AP3B1: variants seen among roughly 807,000 people sequenced by gnomAD.
The protein encoded by AP3B1 is adaptor related protein complex 3 subunit beta 1.
In AP3B1, 61 loss-of-function variants were observed where a neutral mutation model predicts 132.5. The ratio of observed to expected loss-of-function variants is 0.46; its 90% CI spans 0.37 to 0.57. The LOEUF (loss-of-function observed/expected upper bound fraction) is 0.57. Among genes scored for constraint, AP3B1 ranks in the 20% least tolerant of loss-of-function variants. AP3B1 has a pLI of 0.00. For synonymous variants in AP3B1, 388 were observed against 438.3 expected (o/e 0.89, Z 1.43); for missense variants, 1,120 against 1,289.4 (o/e 0.87, Z 2.01).
intron 7 of AP3B1, among the ~76,000 whole-genome samples, chr5:78,202,308 C>T (rs1047819164): frequency 6.6e-6 from 1 of 152,136 alleles, no homozygotes; most frequent in Non-Finnish European, 1.5e-5. Context: ...TGGACTAATA[C>T]ACAATCCTAT....
At chr5:78,177,484 T>C in intron 8 of AP3B1, 48 bp from the exon 9 acceptor site, 2 of 1,322,606 alleles carry the variant, frequency 1.5e-6, no homozygotes, top group Admixed American at 1.7e-5. Flanking sequence ...ACTAGAGCAC[T>C]CTACAACCTC....
chr5:78,083,396 C>G (rs1353037899), intron 22 of AP3B1, among the ~76,000 whole-genome samples: 1 of 152,178 alleles, frequency 6.6e-6, no homozygotes, highest in Non-Finnish European at 1.5e-5. Flanking sequence ...CTCAACATTT[C>G]TAATACCAGA....
At chr5:78,141,926 CA>C (rs1456715279) in intron 14 of AP3B1, among the ~76,000 whole-genome samples, 1 of 152,090 alleles carries the variant, frequency 6.6e-6, no homozygotes, top group African/African-American at 2.4e-5. Context: ...AGGTGGTCCA[CA>C]AAGCCCATTT....
At chr5:78,162,537 T>C (rs1405827086) in intron 13 of AP3B1, among the ~76,000 whole-genome samples, 1 of 152,000 alleles carries the variant, frequency 6.6e-6, no homozygotes, top group Admixed American at 6.6e-5. Context: ...AAAGATACAA[T>C]CAAGGTGATT....
chr5:78,211,111 T>A (rs1041783446), intron 7 of AP3B1, among the ~76,000 whole-genome samples: 10 of 152,196 alleles, frequency 6.6e-5, no homozygotes, highest in African/African-American at 2.4e-4. Context: ...TTTTCCTGCA[T>A]CAGCTTTATT....
chr5:78,100,989 G>C lies in AP3B1; in HGVS notation c.2434C>G (p.Leu812Val). ...EKKTKQDRTP[L>V]TKDVSLLDLD... ...TCTAGAAGTGAAACATCTTTGGTAA[G>C]AGGAGTTCTATCTTGCTTTGTTTTC... The change falls in exon 21 of 27, where the codon CTT becomes GTT. Residue 812 changes from leucine (L) to valine (V), a missense_variant. Leu to Val is a conservative substitution (Grantham distance 32). Around this residue, in one of 3 missense-constraint regions of AP3B1, gnomAD observed 906 missense variants for 997.1 expected, o/e 0.91. Coordinates refer to ENST00000255194, the MANE Select transcript of AP3B1 (RefSeq NM_003664.5). 6.4e-7 allele frequency: 1 copy of C among 1,553,672 alleles called. No homozygotes were observed.
intron 7 of AP3B1, among the ~76,000 whole-genome samples, chr5:78,188,596 C>T (rs984196449): frequency 8.6e-5 from 13 of 152,028 alleles, no homozygotes; most frequent in Admixed American, 3.9e-4. Flanking sequence ...GGCCAGGCTG[C>T]GGAGAAATAG....
chr5:78,124,786 C>CAT (rs1752391167), intron 17 of AP3B1, among the ~76,000 whole-genome samples: 1 of 152,004 alleles, frequency 6.6e-6, no homozygotes, highest in Non-Finnish European at 1.5e-5. Context: ...CTCTGAAGTC[C>CAT]ATATTTTTCT....
At chr5:78,023,423 T>C (rs543074181) in intron 24 of AP3B1, among the ~76,000 whole-genome samples, 32 of 149,730 alleles carry the variant, frequency 2.1e-4, no homozygotes, top group Admixed American at 4.7e-4. Flanking sequence ...GCCTAGGTGA[T>C]AGAGTGAGAC....
intron 20 of AP3B1, among the ~76,000 whole-genome samples, chr5:78,103,093 G>A (rs991223067): frequency 2.0e-5 from 3 of 152,020 alleles, no homozygotes; most frequent in Admixed American, 1.3e-4. Context: ...CTGAATCAAC[G>A]CTATAAAATG....
chr5:78,260,288 T>C (rs1423023854), intron 2 of AP3B1, among the ~76,000 whole-genome samples: 1 of 151,952 alleles, frequency 6.6e-6, no homozygotes, highest in Non-Finnish European at 1.5e-5. Context: ...AAACCAAAAC[T>C]CTAAAGAATG....
chr5:78,093,180 T>C (rs1750604545), intron 21 of AP3B1, among the ~76,000 whole-genome samples: 1 of 152,138 alleles, frequency 6.6e-6, no homozygotes, highest in African/African-American at 2.4e-5. Context: ...ACCATACAGT[T>C]ATAAAGAACG....
At chr5:78,048,370 A>T (rs1198261476) in intron 22 of AP3B1, among the ~76,000 whole-genome samples, 2 of 152,182 alleles carry the variant, frequency 1.3e-5, no homozygotes, top group Non-Finnish European at 2.9e-5. Flanking sequence ...GTTATGTATG[A>T]GACTGTCAGC....
intron 26 of AP3B1, among the ~76,000 whole-genome samples, chr5:78,006,405 AGAAG>A (rs1354117135): frequency 6.6e-6 from 1 of 152,244 alleles, no homozygotes; most frequent in Non-Finnish European, 1.5e-5. Flanking sequence ...AAAAACATTA[AGAAG>A]GAAGAGTCCT....
At chr5:78,158,672 C>A (rs928533130) in intron 13 of AP3B1, among the ~76,000 whole-genome samples, 2 of 151,420 alleles carry the variant, frequency 1.3e-5, no homozygotes, top group Non-Finnish European at 2.9e-5. Flanking sequence ...TATCTATATA[C>A]GTTCTATGTT....
chr5:78,187,325 G>A (rs1487535054), intron 7 of AP3B1, among the ~76,000 whole-genome samples: 1 of 152,136 alleles, frequency 6.6e-6, no homozygotes, highest in African/African-American at 2.4e-5. Flanking sequence ...CTACCTGAAA[G>A]TGATACATAA....
intron 20 of AP3B1, among the ~76,000 whole-genome samples, chr5:78,105,991 T>G (rs963949704): frequency 6.6e-6 from 1 of 152,184 alleles, no homozygotes. Flanking sequence ...CATTTTTCAT[T>G]CCCTGCAGCC....
At chr5:78,212,700 G>A (rs1003822976) in intron 7 of AP3B1, among the ~76,000 whole-genome samples, 3 of 152,100 alleles carry the variant, frequency 2.0e-5, no homozygotes. Flanking sequence ...GAATGCCTCT[G>A]CTAGAGTACT....
intron 22 of AP3B1, among the ~76,000 whole-genome samples, chr5:78,052,826 C>T (rs957332226): frequency 2.6e-5 from 4 of 152,096 alleles, no homozygotes; most frequent in African/African-American, 4.8e-5. Context: ...ATATCACGTA[C>T]GTGGTAAATA....
Sources: gnomAD v4.1 joint callset for allele counts (sites outside exome capture counted in the v4.1 genomes callset) on GRCh38, gnomAD v4.1.1 for gene constraint, gnomAD v4.1.1 regional missense constraint, MANE v1.5 for transcripts, NCBI Gene and HGNC (gene_info 2026-07-23, HGNC 2026-07-21) for gene names.